The following NETO1 variants were observed in gnomAD, a reference collection of about 807,000 sequenced individuals.
The protein encoded by NETO1 is neuropilin and tolloid-like protein 1.
NETO1 carries 26 observed loss-of-function variants against 61.3 expected under a neutral mutation model. That is an observed-to-expected ratio of 0.42 (90% CI 0.31 to 0.59). The LOEUF is 0.59. NETO1 is among the 20% of genes least tolerant of loss of function. The probability of loss-of-function intolerance (pLI) is 0.12; values close to 1 mark genes in which losing one functional copy is unlikely to be tolerated. For missense variants in NETO1, 531 were observed against 662.8 expected (o/e 0.80, Z 2.18); for synonymous variants, 225 against 225.8 (o/e 1.00, Z 0.03).
In NETO1 at chr18:72,794,255, A is replaced by T; in HGVS notation, c.512-11T>A. The T allele has an allele frequency of 6.2e-7, 1 of 1,614,166 alleles. No individual in the cohort carries two copies. Among genetic ancestry groups the T allele is most frequent in the African/African-American group, 1.3e-5 (1 of 75,056 alleles). ...TCTCAAACTCACACGCTAAATAACA[A>T]AATGCCAAACAAACACACAAAAACG... On this transcript the variant is annotated splice_polypyrimidine_tract_variant and intron_variant, in intron 5 of 10. Transcript: ENST00000327305.
chr18:72,790,796 T>C (rs1481160834), intron 6 of NETO1, among the ~76,000 whole-genome samples: 1 of 152,176 alleles, frequency 6.6e-6, no homozygotes, highest in Non-Finnish European at 1.5e-5. Flanking sequence ...TGTCCTTTTT[T>C]ATTTTAAGAA....
At chr18:72,802,307 GA>G (rs1469552598) in intron 4 of NETO1, among the ~76,000 whole-genome samples, 1 of 152,174 alleles carries the variant, frequency 6.6e-6, no homozygotes, top group Non-Finnish European at 1.5e-5. Context: ...GGAGGCTAAT[GA>G]AACCATTTAC....
chr18:72,815,187 G>A (rs2072994269), intron 4 of NETO1, among the ~76,000 whole-genome samples: 2 of 152,018 alleles, frequency 1.3e-5, no homozygotes, highest in African/African-American at 4.8e-5. Context: ...ACACCACACA[G>A]TAAAAATCAA....
At chr18:72,766,416 C>T (rs994155301) in intron 7 of NETO1, among the ~76,000 whole-genome samples, 3 of 151,882 alleles carry the variant, frequency 2.0e-5, no homozygotes, top group Non-Finnish European at 4.4e-5. Context: ...TAAAATGGCC[C>T]ATAGGCTATG....
intron 6 of NETO1, among the ~76,000 whole-genome samples, chr18:72,784,405 C>T (rs1412776146): frequency 6.6e-6 from 1 of 152,122 alleles, no homozygotes; most frequent in Non-Finnish European, 1.5e-5. Flanking sequence ...AAATACACTG[C>T]TTCATTTTTG....
intron 4 of NETO1, among the ~76,000 whole-genome samples, chr18:72,849,314 C>T (rs1271389625): frequency 3.3e-5 from 5 of 152,206 alleles, no homozygotes; most frequent in Non-Finnish European, 7.3e-5. Flanking sequence ...CCCTTTCCGT[C>T]GGTTTCCAAA....
chr18:72,817,392 C>T lies in NETO1; in HGVS notation c.470-22988G>A, dbSNP rs558966271. Among the ~76,000 whole-genome samples, 24 of 152,306 alleles carry T rather than the reference C, an allele frequency of 1.6e-4. No homozygotes were observed. The South Asian group carries it at 1.9e-3, about 12-fold the overall frequency. ...ACCATGGGAGTGAGAGCATCGGCCC[C>T]GCAGCCATTCCAGTGCTCAGGCTGT... is the stretch of plus-strand genomic sequence containing the variant. On this transcript the variant is annotated intron_variant, in intron 4 of 10. Transcript: ENST00000327305.
Position 72,770,206 on chromosome 18 carries a change from C to T in NETO1, c.868+13472G>A, listed in dbSNP as rs1172260047. Among the ~76,000 whole-genome samples the T allele has an allele frequency of 5.9e-5, 9 of 151,890 alleles. No individual in the cohort carries two copies. In the East Asian group the frequency reaches 7.7e-4, roughly 13 times the overall value. ...GCTTCTCTTATGAATTAATTATGCA[C>T]ATTTTGGCCCCATTTTCTATTAGAA... is the stretch of plus-strand genomic sequence containing the variant. On this transcript the variant is annotated intron_variant, in intron 7 of 10. Coordinates refer to ENST00000327305, the MANE Select transcript of NETO1 (RefSeq NM_138966.5).
At chr18:72,864,705 A>T (rs921664367) in intron 3 of NETO1, 103 bp downstream of exon 3, 33 of 1,438,938 alleles carry the variant, frequency 2.3e-5, no homozygotes, top group Non-Finnish European at 2.9e-5. Context: ...CATGATCTCC[A>T]GATCAATTTT....
chr18:72,845,292 TG>T (rs2074050606), intron 4 of NETO1, among the ~76,000 whole-genome samples: 1 of 152,198 alleles, frequency 6.6e-6, no homozygotes, highest in Non-Finnish European at 1.5e-5. Context: ...TCTGGAGCTC[TG>T]AGAGATTAAG....
At chr18:72,791,864 TACA>T (rs2072130321) in intron 6 of NETO1, among the ~76,000 whole-genome samples, 1 of 152,194 alleles carries the variant, frequency 6.6e-6, no homozygotes, top group Non-Finnish European at 1.5e-5. Context: ...TCTCTTGTAA[TACA>T]GGTAGTGGGT....
chr18:72,834,921 T>C (rs1330802246), intron 4 of NETO1: 2 of 760,212 alleles, frequency 2.6e-6, no homozygotes, highest in South Asian at 6.0e-5. Flanking sequence ...TAATATCATA[T>C]ATAAAATAAC....
At chr18:72,824,430 A>G (rs1193594569) in intron 4 of NETO1, among the ~76,000 whole-genome samples, 1 of 152,254 alleles carries the variant, frequency 6.6e-6, no homozygotes, top group Non-Finnish European at 1.5e-5. Context: ...TACATAGTAC[A>G]GTAGAATTAA....
rs570022554 is a variant in NETO1 at position 72,859,073 on chromosome 18, G to T, written c.222C>A (p.Ala74=). The stretch of plus-strand genomic sequence containing the variant: ...AAAGTTCAATGCACTGTCTTGGAGC[G>T]GCTGTAAAGAAGAAAGATTGTGTCT... The part of the protein sequence containing the change: ...PDRECIYIIE[A]APRQCIELYF... The change falls in exon 4 of 11, where the codon GCC becomes GCA. Residue 74 remains alanine (A), a splice_region_variant and synonymous_variant. Coordinates refer to ENST00000327305, the MANE Select transcript of NETO1 (RefSeq NM_138966.5). 1 of 1,581,988 alleles carries T rather than the reference G, an allele frequency of 6.3e-7. No homozygotes were observed. Among genetic ancestry groups the T allele is most frequent in the Non-Finnish European group, 8.6e-7 (1 of 1,165,636 alleles).
chr18:72,848,718 G>T (rs1433034697), intron 4 of NETO1, among the ~76,000 whole-genome samples: 1 of 152,140 alleles, frequency 6.6e-6, no homozygotes, highest in East Asian at 1.9e-4. Context: ...TGGACTTGAG[G>T]TTTCTGCCTC....
At chr18:72,859,651 T>A (rs2074508929) in intron 3 of NETO1, among the ~76,000 whole-genome samples, 1 of 152,190 alleles carries the variant, frequency 6.6e-6, no homozygotes, top group Admixed American at 6.5e-5. Flanking sequence ...CATTATCCGT[T>A]AAGAATATCC....
At chr18:72,800,375 C>T (rs2145311694) in intron 4 of NETO1, among the ~76,000 whole-genome samples, 1 of 152,242 alleles carries the variant, frequency 6.6e-6, no homozygotes, top group Middle Eastern at 3.4e-3. Context: ...CTTCCACTTC[C>T]TACATCCTAT....
intron 7 of NETO1, among the ~76,000 whole-genome samples, chr18:72,768,802 T>C (rs1726266498): frequency 6.6e-6 from 1 of 152,154 alleles, no homozygotes; most frequent in Admixed American, 6.5e-5. Context: ...CTGGAGCCTC[T>C]TATGGGGCAG....
At chr18:72,783,644 C>A (rs76761660) in intron 7 of NETO1, 34 bp downstream of exon 7, 1 of 1,582,960 alleles carries the variant, frequency 6.3e-7, no homozygotes, top group Admixed American at 1.7e-5. Context: ...ATGGCATATA[C>A]GAAGGAAAAA....
Sources: gnomAD v4.1 joint callset for allele counts (sites outside exome capture counted in the v4.1 genomes callset) on GRCh38, gnomAD v4.1.1 for gene constraint, MANE v1.5 for transcripts, NCBI Gene and HGNC (gene_info 2026-07-23, HGNC 2026-07-21) for gene names.